NUAK2: variants seen among roughly 807,000 people sequenced by gnomAD.
The protein encoded by NUAK2 is NUAK family SNF1-like kinase 2.
Under a neutral mutation model 29.8 loss-of-function variants are expected in NUAK2, and 20 were observed. The observed-to-expected ratio is 0.67, with a 90% CI of 0.47 to 0.98. NUAK2 has a LOEUF of 0.98. Ranked by LOEUF, NUAK2 falls within the 50% of genes least tolerant of loss-of-function variation. The pLI, the probability that NUAK2 is intolerant of heterozygous loss-of-function variation, is 0.00. For synonymous variants in NUAK2, 331 were observed against 342.6 expected, an observed-to-expected ratio of 0.97 and a Z score of 0.37; for missense variants, 719 against 834.5, an observed-to-expected ratio of 0.86 and a Z score of 1.71.
At position 205,304,184 on chromosome 1, in the gene NUAK2, G is replaced by T. The variant is rs1306764369; in HGVS notation, c.1153C>A (p.Gln385Lys). The T allele has an allele frequency of 6.2e-7, 1 of 1,614,202 alleles. No homozygotes were observed. The highest frequency in any genetic ancestry group is 8.5e-7 in the Non-Finnish European group (1 of 1,180,032). The change falls in exon 7 of 7, where the codon CAG becomes AAG. Residue 385 changes from glutamine (Q) to lysine (K), a missense_variant. Gln to Lys is a moderately conservative substitution (Grantham distance 53). Coordinates refer to ENST00000367157, the MANE Select transcript of NUAK2 (RefSeq NM_030952.3). The surrounding 1 kb of genome is among the most constrained non-coding windows in gnomAD (Gnocchi z 6.5). ...TCAGCCGTGTCACTGTGGAGAGACT[G>T]GGCCATGTCATTCTCCTTGCGGGAC... ...KKSRKENDMA[Q>K]SLHSDTADDT...
chr1:205,304,569 T>TGTCCCCTGTCCCCAGCTCATCCCC lies in NUAK2; in HGVS notation c.824-80_824-57dup. 1 of 1,344,180 alleles carries TGTCCCCTGTCCCCAGCTCATCCCC rather than the reference T, an allele frequency of 7.4e-7. No homozygotes were observed. Among genetic ancestry groups the TGTCCCCTGTCCCCAGCTCATCCCC allele is most frequent in the South Asian group, 1.5e-5 (1 of 66,212 alleles). 83.3% of individuals were successfully genotyped at this position (1,344,180 alleles called of 1,614,324 possible). ...GGCAGCTCCCAGAATAGGCACTCCC[T>TGTCCCCTGTCCCCAGCTCATCCCC]GTCCCCTGTCCCCAGCTCATCCCCT... On this transcript the variant is annotated intron_variant, in intron 6 of 6. Transcript: ENST00000367157. The surrounding 1 kb of genome is among the most constrained non-coding windows in gnomAD (Gnocchi z 6.5).
intron 1 of NUAK2, among the ~76,000 whole-genome samples, chr1:205,312,748 A>C (rs916100014): frequency 1.3e-5 from 2 of 152,232 alleles, no homozygotes; most frequent in African/African-American, 4.8e-5. Context: ...AGTTGCAGTG[A>C]GCCATGATTG....
In NUAK2 at chr1:205,306,243, C is replaced by G; in HGVS notation, c.635G>C (p.Ser212Thr). 1.1e-5 allele frequency: 18 copies of G among 1,613,990 alleles called. No individual in the cohort carries two copies. Among genetic ancestry groups the G allele is most frequent in the Non-Finnish European group, 1.5e-5 (18 of 1,179,910 alleles). The change falls in exon 5 of 7, where the codon AGC becomes ACC. Residue 212 changes from serine (S) to threonine (T), a missense_variant. Coordinates refer to ENST00000367157, the MANE Select transcript of NUAK2 (RefSeq NM_030952.3). ...QGKFLQTFCG[S>T]PLYASPEIVN... ...AATCTCTGGCGAGGCATAGAGGGGG[C>G]TCCCACAGAATGTCTGCAGGAACTT...
rs746138362 is a variant in NUAK2, at chr1:205,306,175, G to T, written c.690+13C>A. 1.9e-6 allele frequency: 3 copies of T among 1,593,004 alleles called. No homozygotes were observed. Among genetic ancestry groups the T allele is most frequent in the East Asian group, 4.5e-5 (2 of 44,258 alleles). ...CATCTGAGGCAGGCTGGCAGGGGAG[G>T]GTGGCCACTTACCTCTGGGCCTGTG... On this transcript the variant is annotated intron_variant, in intron 5 of 6. Coordinates refer to ENST00000367157, the MANE Select transcript of NUAK2 (RefSeq NM_030952.3).
intron 1 of NUAK2, among the ~76,000 whole-genome samples, chr1:205,317,845 TG>T: frequency 6.6e-6 from 1 of 152,314 alleles, no homozygotes; most frequent in Non-Finnish European, 1.5e-5. Flanking sequence ...CAAAGTGGTT[TG>T]GCTTAGGGAA....
At chr1:205,316,572 A>G (rs1662331557) in intron 1 of NUAK2, among the ~76,000 whole-genome samples, 1 of 152,200 alleles carries the variant, frequency 6.6e-6, no homozygotes, top group Middle Eastern at 3.2e-3. Flanking sequence ...GAGGGGCAAC[A>G]AGGGCATTCC....
chr1:205,303,255 GAC>G lies in NUAK2; in HGVS notation c.*193_*194del. The G allele has an allele frequency of 2.1e-6, 1 of 468,636 alleles. No homozygotes were observed. Among genetic ancestry groups the G allele is most frequent in the Non-Finnish European group, 3.8e-6 (1 of 266,352 alleles). 29.0% of individuals were successfully genotyped at this position (468,636 alleles called of 1,614,324 possible). ...ATCCTCTTCGTTCAGCAGGGCTGAA[GAC>G]AGACACTGAACCCTTGGCGCATTTC... On this transcript the variant is annotated 3_prime_UTR_variant, in exon 7 of 7. Coordinates refer to ENST00000367157, the MANE Select transcript of NUAK2 (RefSeq NM_030952.3).
chr1:205,320,384 C>G (rs1473193545), intron 1 of NUAK2, among the ~76,000 whole-genome samples: 1 of 152,222 alleles, frequency 6.6e-6, no homozygotes, highest in African/African-American at 2.4e-5. Context: ...CCTGCCTCAG[C>G]CTCCCGAGTA....
intron 5 of NUAK2, 80 bp downstream of exon 5, chr1:205,306,108 A>G: frequency 6.7e-7 from 1 of 1,489,174 alleles, no homozygotes; most frequent in African/African-American, 1.4e-5. Flanking sequence ...AATAACGAGA[A>G]AACTAGCCCA....
Position 205,308,844 on chromosome 1 carries a change from C to CCCGACCCCAGGCCCCAAACCAG in NUAK2, c.353-113_353-112insCTGGTTTGGGGCCTGGGGTCGG. The stretch of plus-strand genomic sequence containing the variant: ...CCCCAAACCAGACAGGACCCCCCTC[C>CCCGACCCCAGGCCCCAAACCAG]AGGAATATCTGCTAATGGGGCTATA... On this transcript the variant is annotated intron_variant, in intron 2 of 6. Transcript: ENST00000367157. The surrounding 1 kb of genome is among the most constrained non-coding windows in gnomAD (Gnocchi z 4.1). 1 of 1,211,648 alleles carries CCCGACCCCAGGCCCCAAACCAG rather than the reference C, an allele frequency of 8.3e-7. No homozygotes were observed. Among genetic ancestry groups the CCCGACCCCAGGCCCCAAACCAG allele is most frequent in the Non-Finnish European group, 1.2e-6 (1 of 853,438 alleles). 75.1% of individuals were successfully genotyped at this position (1,211,648 alleles called of 1,614,324 possible).
intron 1 of NUAK2, among the ~76,000 whole-genome samples, chr1:205,314,572 C>T (rs1317407815): frequency 1.3e-5 from 2 of 152,178 alleles, no homozygotes; most frequent in African/African-American, 4.8e-5. Context: ...CCACACACCT[C>T]TCGCCTCCAT....
rs780926337 is a variant in NUAK2, at chr1:205,305,229, C to T, written c.793G>A (p.Gly265Arg). The T allele has an allele frequency of 1.6e-5, 26 of 1,614,208 alleles. No homozygotes were observed. The highest frequency in any genetic ancestry group is 9.9e-5 in the South Asian group (9 of 91,082). Residue 265 changes from glycine (G) to arginine (R), a missense_variant, in exon 6 of 7, where the codon GGG becomes AGG. By Grantham distance (125) the Gly-to-Arg change is moderately radical (BLOSUM62 -2). This residue lies in a region of NUAK2 where 6 missense variants were observed against 23.3 expected (regional missense o/e 0.26). Transcript: ENST00000367157. ...HKILVKQISN[G>R]AYREPPKPSD... The stretch of plus-strand genomic sequence containing the variant: ...GGTTTAGGTGGCTCCCGGTAGGCCC[C>T]GTTGCTGATCTGTTTCACTAGGATC...
At chr1:205,306,077 G>A in intron 5 of NUAK2, 111 bp downstream of exon 5, 1 of 1,433,392 alleles carries the variant, frequency 7.0e-7, no homozygotes. Flanking sequence ...GGAGGCTTGA[G>A]AGTTGTGCTC....
In NUAK2 at chr1:205,321,672, T is replaced by G; in HGVS notation, c.-44A>C. On this transcript the variant is annotated 5_prime_UTR_variant, in exon 1 of 7. Transcript: ENST00000367157. ...AAGGGCGGCAGGGGAATCAGTAGGC[T>G]GTGCGGGGAGGGCTGAAGCGCGGGG... 6.5e-7 allele frequency: 1 copy of G among 1,536,454 alleles called. No homozygotes were observed. The highest frequency in any genetic ancestry group is 1.2e-5 in the South Asian group (1 of 86,730).
chr1:205,318,749 G>A (rs1217276107), intron 1 of NUAK2, among the ~76,000 whole-genome samples: 1 of 152,208 alleles, frequency 6.6e-6, no homozygotes, highest in Non-Finnish European at 1.5e-5. Flanking sequence ...AGTCCCAGGA[G>A]GAAATGTCAT....
chr1:205,315,876 A>C (rs1407204408), intron 1 of NUAK2, among the ~76,000 whole-genome samples: 1 of 152,112 alleles, frequency 6.6e-6, no homozygotes, highest in Non-Finnish European at 1.5e-5. Context: ...CTGTCTTAAA[A>C]AAAAAATAAA....
intron 2 of NUAK2, among the ~76,000 whole-genome samples, chr1:205,310,535 G>A (rs543538111): frequency 1.2e-4 from 19 of 152,274 alleles, no homozygotes; most frequent in African/African-American, 4.6e-4. Context: ...GCAGTGCTCA[G>A]TTCCCAGATC....
intron 4 of NUAK2, among the ~76,000 whole-genome samples, chr1:205,307,549 C>T: frequency 6.6e-6 from 1 of 152,250 alleles, no homozygotes; most frequent in Non-Finnish European, 1.5e-5. Context: ...CGTCACCTTC[C>T]CAGATGCCTG....
Position 205,311,671 on chromosome 1 carries a change from AC to A in NUAK2, c.352+33del, listed in dbSNP as rs370368732. ...TGAACACACACATGCACACACATAG[AC>A]CCCCAAGTTCCAGCTTTAAGTGCCC... On this transcript the variant is annotated intron_variant, in intron 2 of 6. Coordinates refer to ENST00000367157, the MANE Select transcript of NUAK2 (RefSeq NM_030952.3). The A allele has an allele frequency of 4.2e-5, 67 of 1,613,270 alleles. 1 individual carries two copies. The African/African-American group carries it at 5.7e-4, about 14-fold the overall frequency.
Sources: gnomAD v4.1 joint callset for allele counts (sites outside exome capture counted in the v4.1 genomes callset) on GRCh38, gnomAD v4.1.1 for gene constraint, gnomAD v4.1.1 regional missense constraint, Gnocchi (gnomAD v3.1) non-coding constraint, MANE v1.5 for transcripts, NCBI Gene and HGNC (gene_info 2026-07-23, HGNC 2026-07-21) for gene names.